Variants in SANBR observed in about 807,000 individuals in gnomAD.
The protein encoded by SANBR is SANT and BTB domain regulator of CSR.
A neutral mutation model predicts 101.8 loss-of-function variants in SANBR; 77 were observed. That is an observed-to-expected ratio of 0.76 (90% CI 0.63 to 0.91). SANBR has a LOEUF of 0.91. SANBR is among the 40% of genes least tolerant of loss of function. The pLI, the probability that SANBR is intolerant of heterozygous loss-of-function variation, is 0.00. For synonymous variants in SANBR, 279 were observed against 274.7 expected, an observed-to-expected ratio of 1.02 and a Z score of -0.15; for missense variants, 875 against 853.0, an observed-to-expected ratio of 1.03 and a Z score of -0.32.
chr2:61,082,753 A>G lies in SANBR; in HGVS notation c.730-401A>G, dbSNP rs577610159. 2.0e-5 allele frequency among the ~76,000 whole-genome samples: 3 copies of G among 152,286 alleles called. No individual in the cohort carries two copies. The South Asian group carries it at 6.2e-4, about 32-fold the overall frequency. On this transcript the variant is annotated intron_variant, in intron 7 of 21. Transcript: ENST00000402291. ...AGAATCGCTTGAACCCAGGAGGCAG[A>G]GGTTGCAGTGAGCTGAGATCGTGCC...
intron 11 of SANBR, among the ~76,000 whole-genome samples, chr2:61,093,722 C>T (rs575061942): frequency 2.2e-4 from 33 of 152,254 alleles, no homozygotes; most frequent in African/African-American, 7.7e-4. Context: ...TTGTTCTATA[C>T]ACTTCTATAG....
chr2:61,067,957 A>G (rs2104834756), intron 1 of SANBR, among the ~76,000 whole-genome samples: 1 of 152,332 alleles, frequency 6.6e-6, no homozygotes, highest in East Asian at 1.9e-4. Flanking sequence ...TAAATGTTTA[A>G]ATGAGTTGTG....
rs550274880 is a variant in SANBR at position 61,071,378 on chromosome 2, G to A, written c.151-228G>A. ...AGCCTGACCAATATAGTGAAACCCC[G>A]TCTCTAGTAAAAATCCAAAAAATTT... On this transcript the variant is annotated intron_variant, in intron 3 of 21. Coordinates refer to ENST00000402291, the MANE Select transcript of SANBR (RefSeq NM_001129993.3). Among the ~76,000 whole-genome samples the A allele has an allele frequency of 4.0e-4, 61 of 151,976 alleles. 1 individual carries two copies. In the South Asian group the frequency reaches 0.012, roughly 31 times the overall value.
downstream of SANBR, among the ~76,000 whole-genome samples, chr2:61,126,068 C>T (rs180739218): frequency 7.5e-3 from 1,140 of 152,284 alleles, 55 homozygotes; most frequent in Admixed American, 0.068. Flanking sequence ...ACTTGGAGTA[C>T]CAGTAGGTAT....
At chr2:61,088,607 G>A (rs753143154) in intron 10 of SANBR, 139 bp downstream of exon 10, 3 of 491,062 alleles carry the variant, frequency 6.1e-6, no homozygotes, top group South Asian at 5.4e-5. Flanking sequence ...GCAACCTTCC[G>A]CCTCCCAGGT....
At chr2:61,111,691 C>T (rs1374631718) in intron 16 of SANBR, among the ~76,000 whole-genome samples, 1 of 152,196 alleles carries the variant, frequency 6.6e-6, no homozygotes. Context: ...AAAGTTCCTT[C>T]GTCCCCCTTT....
Position 61,122,253 on chromosome 2 carries a change from C to A in SANBR, c.*91C>A. ...TTGAAGATCTTCAGAACAATGACTT[C>A]CAACTGTTTTATGTTATTATTATTT... On this transcript the variant is annotated 3_prime_UTR_variant, in exon 22 of 22. Coordinates refer to ENST00000402291, the MANE Select transcript of SANBR (RefSeq NM_001129993.3). The A allele has an allele frequency of 6.9e-7, 1 of 1,441,964 alleles. No individual in the cohort carries two copies. Among genetic ancestry groups the A allele is most frequent in the Non-Finnish European group, 9.2e-7 (1 of 1,088,356 alleles). The allele number at this position is 1,441,964 out of a possible 1,614,324, so 89.3% of individuals were successfully genotyped here.
rs565833046 is a variant in SANBR, at chr2:61,135,844, A to C, written c.*44+1568A>C. ...GAAAAGGGAAAGAAAGCAGAAAAAG[A>C]ACAAAGAAAACCACTTACAAGATGG... On this transcript the variant is annotated intron_variant, in intron 21 of 21. Coordinates refer to the SANBR transcript ENST00000295031. Among the ~76,000 whole-genome samples the C allele has an allele frequency of 2.0e-5, 3 of 152,360 alleles. No individual in the cohort carries two copies. In the South Asian group the frequency reaches 6.2e-4, roughly 32 times the overall value.
Position 61,123,401 on chromosome 2 carries a change from G to A in SANBR, c.*1239G>A, listed in dbSNP as rs1044178540. The A allele has an allele frequency of 2.3e-5, 23 of 984,648 alleles. No individual in the cohort carries two copies. The highest frequency in any genetic ancestry group is 2.8e-5 in the Non-Finnish European group (23 of 829,218). The allele number at this position is 984,648 out of a possible 1,614,324, so 61.0% of individuals were successfully genotyped here. ...ATCATTCTTTTTAGTGAGTCTTTTA[G>A]TTGATAAATGAAGCTAGATGTTATT... On this transcript the variant is annotated 3_prime_UTR_variant, in exon 22 of 22. Transcript: ENST00000402291.
chr2:61,074,695 C>T (rs1230770403), intron 5 of SANBR, among the ~76,000 whole-genome samples: 1 of 152,040 alleles, frequency 6.6e-6, no homozygotes, highest in Non-Finnish European at 1.5e-5. Context: ...TGATCCACCG[C>T]ATCTGGCCAT....
intron 16 of SANBR, among the ~76,000 whole-genome samples, chr2:61,114,342 G>C (rs893615903): frequency 1.3e-5 from 2 of 152,152 alleles, no homozygotes; most frequent in African/African-American, 4.8e-5. Flanking sequence ...AATTACCGTT[G>C]CCAACCCACT....
chr2:61,124,016 C>T lies in SANBR; in HGVS notation c.*1854C>T, dbSNP rs188010273. On this transcript the variant is annotated 3_prime_UTR_variant, in exon 22 of 22. Coordinates refer to ENST00000402291, the MANE Select transcript of SANBR (RefSeq NM_001129993.3). Reference sequence around the variant, plus strand: ...GGCTGAGGCACAAGAATTGTTTGAACCCGGGTGGCAGAGGTTGCAGTGAGC... The same window carrying T: ...GGCTGAGGCACAAGAATTGTTTGAATCCGGGTGGCAGAGGTTGCAGTGAGC... 1.1e-3 allele frequency: 466 copies of T among 425,874 alleles called. No individual in the cohort carries two copies. The highest frequency in any genetic ancestry group is 1.3e-3 in the Non-Finnish European group (402 of 318,974). The allele number at this position is 425,874 out of a possible 1,614,324, so 26.4% of individuals were successfully genotyped here.
intron 12 of SANBR, among the ~76,000 whole-genome samples, chr2:61,102,322 G>A (rs1202699286): frequency 7.6e-6 from 1 of 131,878 alleles, no homozygotes; most frequent in Non-Finnish European, 1.5e-5. Flanking sequence ...ACCCGCGATC[G>A]TACCACTGCA....
In SANBR at chr2:61,109,235, C is replaced by G. The variant is rs983193672; in HGVS notation, c.1683C>G (p.Thr561=). Residue 561 remains threonine (T), a synonymous_variant, in exon 16 of 22, where the codon ACC becomes ACG. Transcript: ENST00000402291. The part of the protein sequence containing the change: ...QSLFSEEEEY[T]TGSEVTEDEV... ...TGTTTTCAGAAGAAGAAGAATATAC[C>G]ACTGGATCTGAGGTCACTGAAGATG... 11 of 1,557,180 alleles carry G rather than the reference C, an allele frequency of 7.1e-6. No homozygotes were observed. The highest frequency in any genetic ancestry group is 8.7e-7 in the Non-Finnish European group (1 of 1,149,384).
At chr2:61,126,843 C>G (rs1684529128), downstream of SANBR, among the ~76,000 whole-genome samples, 1 of 151,642 alleles carries the variant, frequency 6.6e-6, no homozygotes, top group Non-Finnish European at 1.5e-5. Context: ...GCCTCTCAGA[C>G]TTCATTTTCC....
chr2:61,115,346 A>ATTT (rs34181850), intron 16 of SANBR, among the ~76,000 whole-genome samples: 1 of 147,592 alleles, frequency 6.8e-6, no homozygotes, highest in Non-Finnish European at 1.5e-5. Flanking sequence ...ATATATATAT[A>ATTT]TTTTTTTTTT....
chr2:61,089,090 T>TAAACATTTA, intron 10 of SANBR: 1 of 982,126 alleles, frequency 1.0e-6, no homozygotes, highest in South Asian at 4.7e-5. Context: ...TTTAGTTATC[T>TAAACATTTA]GTACAAATGT....
chr2:61,087,369 C>T (rs948140506), intron 8 of SANBR, among the ~76,000 whole-genome samples: 4 of 151,370 alleles, frequency 2.6e-5, no homozygotes, highest in Non-Finnish European at 5.9e-5. Flanking sequence ...CCAGCCTGGG[C>T]AACATAGCCA....
chr2:61,108,256 A>G, intron 14 of SANBR, 61 bp from the exon 15 acceptor site: 1 of 1,066,196 alleles, frequency 9.4e-7, no homozygotes, highest in South Asian at 1.5e-5. Context: ...ATCTATATCA[A>G]AATAAGGAGC....
Sources: allele counts gnomAD v4.1 joint callset (sites outside exome capture counted in the v4.1 genomes callset), GRCh38; gene constraint gnomAD v4.1.1; transcripts MANE v1.5; gene names NCBI Gene and HGNC (gene_info 2026-07-23, HGNC 2026-07-21).